The following GPC6 variants were observed in gnomAD, a reference collection of about 807,000 sequenced individuals.
GPC6 encodes glypican-6.
Under a neutral mutation model 55.2 loss-of-function variants are expected in GPC6, and 14 were observed. The ratio of observed to expected loss-of-function variants is 0.25; its 90% confidence interval spans 0.17 to 0.40. The LOEUF (loss-of-function observed/expected upper bound fraction) is 0.40, where lower values mean the gene tolerates loss of function less well. Among genes scored for constraint, GPC6 ranks in the 10% least tolerant of loss-of-function variants. The pLI is 1.00. For missense variants in GPC6, 641 were observed against 708.5 expected (o/e 0.90, Z 1.08); for synonymous variants, 278 against 259.6 (o/e 1.07, Z -0.68).
intron 6 of GPC6, among the ~76,000 whole-genome samples, chr13:94,370,651 G>C (rs1275699933): frequency 6.6e-6 from 1 of 152,112 alleles, no homozygotes; most frequent in Non-Finnish European, 1.5e-5. Flanking sequence ...TACTTGCTAA[G>C]TCACTGATTT....
At chr13:93,389,499 A>G (rs1162162949) in intron 1 of GPC6, among the ~76,000 whole-genome samples, 1 of 91,230 alleles carries the variant, frequency 1.1e-5, no homozygotes, top group African/African-American at 4.5e-5. Context: ...GCAAGACTCC[A>G]TCTCAAAAAA....
intron 1 of GPC6, among the ~76,000 whole-genome samples, chr13:93,278,465 CCTTT>C (rs1453593110): frequency 6.6e-6 from 1 of 152,144 alleles, no homozygotes; most frequent in African/African-American, 2.4e-5. Context: ...CCACCTTTCT[CCTTT>C]CTGTTTCCAT....
intron 4 of GPC6, among the ~76,000 whole-genome samples, chr13:94,050,732 G>A (rs1470632592): frequency 6.6e-6 from 1 of 152,164 alleles, no homozygotes; most frequent in Non-Finnish European, 1.5e-5. Flanking sequence ...GACAGGAGAA[G>A]TAGCAGAAAT....
intron 1 of GPC6, among the ~76,000 whole-genome samples, chr13:93,471,692 GT>G (rs111674623): frequency 0.34 from 51,742 of 151,716 alleles, 9,308 homozygotes; most frequent in East Asian, 0.61. Flanking sequence ...GGAATTTTAT[GT>G]TTTTTTTATT....
At chr13:93,724,918 G>C (rs1026675875) in intron 2 of GPC6, among the ~76,000 whole-genome samples, 1 of 151,938 alleles carries the variant, frequency 6.6e-6, no homozygotes, top group African/African-American at 2.4e-5. Context: ...GTTTGCTCTT[G>C]TTGCACTCAT....
intron 4 of GPC6, among the ~76,000 whole-genome samples, chr13:94,272,114 G>A (rs886842231): frequency 1.3e-5 from 2 of 151,992 alleles, no homozygotes; most frequent in Admixed American, 6.6e-5. Context: ...ATACCAGTAT[G>A]CACAGAAGTA....
intron 3 of GPC6, among the ~76,000 whole-genome samples, chr13:93,958,308 T>G (rs1289958108): frequency 1.3e-5 from 2 of 152,190 alleles, no homozygotes; most frequent in African/African-American, 4.8e-5. Context: ...ATTTTCTAGG[T>G]TTTCTTCTAA....
intron 1 of GPC6, among the ~76,000 whole-genome samples, chr13:93,462,277 G>A (rs945411580): frequency 1.2e-4 from 19 of 152,058 alleles, no homozygotes; most frequent in Admixed American, 3.9e-4. Flanking sequence ...GAAAGCAGAC[G>A]GAGAATGATG....
intron 1 of GPC6, among the ~76,000 whole-genome samples, chr13:93,408,499 C>T (rs1359172749): frequency 6.6e-6 from 1 of 151,988 alleles, no homozygotes. Context: ...GCAAACTGAG[C>T]AATATTATTG....
At chr13:93,566,921 T>C (rs928375304) in intron 2 of GPC6, among the ~76,000 whole-genome samples, 3 of 152,184 alleles carry the variant, frequency 2.0e-5, no homozygotes, top group Admixed American at 6.5e-5. Context: ...TGCATAGTAT[T>C]CCATGGTGTA....
At chr13:94,368,721 C>T (rs1305459971) in intron 6 of GPC6, among the ~76,000 whole-genome samples, 3 of 152,042 alleles carry the variant, frequency 2.0e-5, no homozygotes, top group Non-Finnish European at 2.9e-5. Flanking sequence ...ATGTGTTTCC[C>T]GAGGGAGTGA....
intron 1 of GPC6, among the ~76,000 whole-genome samples, chr13:93,262,712 C>G (rs142352502): frequency 1.6e-3 from 241 of 152,218 alleles, no homozygotes; most frequent in African/African-American, 5.6e-3. Flanking sequence ...CTCAGTTTCC[C>G]CCCACACCCC....
intron 4 of GPC6, among the ~76,000 whole-genome samples, chr13:94,266,151 C>CTTTTTTTTTTTTTTTTTTTTTTT (rs111623457): frequency 7.0e-6 from 1 of 142,820 alleles, no homozygotes; most frequent in Non-Finnish European, 1.5e-5. Flanking sequence ...CTTTTCTTTT[C>CTTTTTTTTTTTTTTTTTTTTTTT]TTTTTTTTTT....
intron 6 of GPC6, among the ~76,000 whole-genome samples, chr13:94,318,696 G>T (rs894576997): frequency 6.6e-6 from 1 of 152,140 alleles, no homozygotes; most frequent in Non-Finnish European, 1.5e-5. Flanking sequence ...TGTGGTTTCA[G>T]TTACTCATGG....
chr13:93,776,100 A>G (rs2138899632), intron 2 of GPC6, among the ~76,000 whole-genome samples: 1 of 118,700 alleles, frequency 8.4e-6, no homozygotes, highest in South Asian at 3.1e-4. Flanking sequence ...CATTTTTACT[A>G]AGCACTAGCC....
intron 1 of GPC6, among the ~76,000 whole-genome samples, chr13:93,534,595 G>A (rs752805591): frequency 2.0e-5 from 3 of 152,194 alleles, no homozygotes; most frequent in Non-Finnish European, 4.4e-5. Context: ...TCCCTGGAGG[G>A]AGTGGGATCT....
chr13:93,895,750 C>G (rs1486983587), intron 3 of GPC6, among the ~76,000 whole-genome samples: 3 of 152,032 alleles, frequency 2.0e-5, no homozygotes, highest in Non-Finnish European at 4.4e-5. Flanking sequence ...AAATAATTCT[C>G]TGTTACAACA....
intron 3 of GPC6, among the ~76,000 whole-genome samples, chr13:93,856,614 G>T (rs1026884046): frequency 1.3e-5 from 2 of 151,654 alleles, no homozygotes; most frequent in Admixed American, 6.6e-5. Context: ...GGCTTGGGAA[G>T]AACCTAGATA....
intron 1 of GPC6, among the ~76,000 whole-genome samples, chr13:93,254,134 G>A (rs1876873936): frequency 6.6e-6 from 1 of 152,018 alleles, no homozygotes; most frequent in Admixed American, 6.6e-5. Flanking sequence ...ACTGGCTTGG[G>A]CAACATGGTA....
Sources: gnomAD v4.1 joint callset for allele counts (sites outside exome capture counted in the v4.1 genomes callset) on GRCh38, gnomAD v4.1.1 for gene constraint, MANE v1.5 for transcripts, NCBI Gene and HGNC (gene_info 2026-07-23, HGNC 2026-07-21) for gene names.